IL7R: variants seen among roughly 807,000 people sequenced by gnomAD.
IL7R encodes interleukin-7 receptor subunit alpha.
In IL7R, 38 loss-of-function variants were observed where a neutral mutation model predicts 47.0. That is an observed-to-expected ratio of 0.81 (90% CI 0.62 to 1.06). IL7R has a LOEUF of 1.06. IL7R is among the 50% of genes least tolerant of loss of function. The pLI is 0.00. For missense variants in IL7R, 633 were observed against 534.8 expected (o/e 1.18, Z -1.81); for synonymous variants, 221 against 199.8 (o/e 1.11, Z -0.89).
At chr5:35,862,587 T>C (rs1295831577) in intron 2 of IL7R, among the ~76,000 whole-genome samples, 1 of 152,086 alleles carries the variant, frequency 6.6e-6, no homozygotes, top group East Asian at 1.9e-4. Flanking sequence ...AGCTCTTTAA[T>C]AGATGAACTC....
intron 4 of IL7R, among the ~76,000 whole-genome samples, chr5:35,872,840 A>C (rs1760103485): frequency 1.3e-5 from 2 of 152,078 alleles, no homozygotes; most frequent in Admixed American, 6.5e-5. Flanking sequence ...TAGATAAAGG[A>C]CTCTTATAAA....
rs1048027597 is a variant in IL7R, at chr5:35,879,422, A to T, written c.*2936A>T. ...ATGCAGATTAGGTGGCATTTTTGTC[A>T]GCTCTGTGGTTTATTGTTGGGACTA... On this transcript the variant is annotated 3_prime_UTR_variant, in exon 8 of 8. Coordinates refer to ENST00000303115, the MANE Select transcript of IL7R (RefSeq NM_002185.5). The T allele has an allele frequency of 4.3e-6, 1 of 232,828 alleles. No individual in the cohort carries two copies. The highest frequency in any genetic ancestry group is 2.2e-5 in the African/African-American group (1 of 45,322). The allele number at this position is 232,828 out of a possible 1,614,324, so 14.4% of individuals were successfully genotyped here. A position where few individuals can be genotyped will look rare whatever the true frequency, so the allele number is the denominator to read the frequency against.
At chr5:35,867,873 A>T (rs1759977955) in intron 3 of IL7R, among the ~76,000 whole-genome samples, 1 of 150,732 alleles carries the variant, frequency 6.6e-6, no homozygotes, top group Admixed American at 6.6e-5. Context: ...AAGTTATTTT[A>T]AAAAGCATAT....
chr5:35,874,584 C>A, intron 6 of IL7R, 42 bp downstream of exon 6: 1 of 1,376,920 alleles, frequency 7.3e-7, no homozygotes, highest in Non-Finnish European at 1.0e-6. Context: ...TGTGTGGGAT[C>A]ACGGACAGTC....
At chr5:35,864,139 C>A (rs754682046) in intron 2 of IL7R, among the ~76,000 whole-genome samples, 1 of 152,064 alleles carries the variant, frequency 6.6e-6, no homozygotes, top group Non-Finnish European at 1.5e-5. Context: ...ACTCTTTATT[C>A]TTTTCTGTCT....
Position 35,876,787 on chromosome 5 carries a change from G to A in IL7R, c.*301G>A. On this transcript the variant is annotated 3_prime_UTR_variant, in exon 8 of 8. Coordinates refer to ENST00000303115, the MANE Select transcript of IL7R (RefSeq NM_002185.5). Reference sequence around the variant, plus strand: ...ATGAAAGAGTAAAGGAAATGATTGAGGAGTGAGGAAGGCAGGAAGAGAGCA... The same window carrying A: ...ATGAAAGAGTAAAGGAAATGATTGAAGAGTGAGGAAGGCAGGAAGAGAGCA... 2.3e-6 allele frequency: 1 copy of A among 431,000 alleles called. No homozygotes were observed. The highest frequency in any genetic ancestry group is 6.3e-4 in the Middle Eastern group (1 of 1,576). 26.7% of individuals were successfully genotyped at this position (431,000 alleles called of 1,614,324 possible). A position where few individuals can be genotyped will look rare whatever the true frequency, so the allele number is the denominator to read the frequency against.
intron 5 of IL7R, 56 bp downstream of exon 5, chr5:35,873,704 T>TG (rs1760133640): frequency 6.6e-7 from 1 of 1,508,132 alleles, no homozygotes; most frequent in Non-Finnish European, 9.2e-7. Flanking sequence ...TGTCAAAGTG[T>TG]GGGAGCAAGT....
At chr5:35,858,747 T>G (rs1373779115) in intron 1 of IL7R, among the ~76,000 whole-genome samples, 1 of 152,216 alleles carries the variant, frequency 6.6e-6, no homozygotes, top group African/African-American at 2.4e-5. Context: ...ATTATACTCA[T>G]AGCTAATCCC....
intron 1 of IL7R, among the ~76,000 whole-genome samples, chr5:35,858,645 T>G (rs560634861): frequency 6.6e-6 from 1 of 152,354 alleles, no homozygotes; most frequent in East Asian, 1.9e-4. Flanking sequence ...TCAATTGACA[T>G]AAACTTTTTA....
Position 35,871,185 on chromosome 5 carries a change from G to A in IL7R, c.509G>A (p.Arg170His), listed in dbSNP as rs149161098. ...VKVLMHDVAY[R>H]QEKDENKWTH... Reference sequence around the variant, plus strand: ...GTTTTAATGCACGATGTAGCTTACCGCCAGGAAAAGGATGAAAACAAATGG... The same window carrying A: ...GTTTTAATGCACGATGTAGCTTACCACCAGGAAAAGGATGAAAACAAATGG... The change falls in exon 4 of 8, where the codon CGC becomes CAC. Residue 170 changes from arginine (R) to histidine (H), a missense_variant. Transcript: ENST00000303115. 241 of 1,612,762 alleles carry A rather than the reference G, an allele frequency of 1.5e-4. No individual in the cohort carries two copies. In the African/African-American group the frequency reaches 2.8e-3, roughly 19 times the overall value.
chr5:35,871,163 T>G lies in IL7R; in HGVS notation c.487T>G (p.Leu163Val). The G allele has an allele frequency of 6.2e-7, 1 of 1,613,480 alleles. No individual in the cohort carries two copies. The highest frequency in any genetic ancestry group is 8.5e-7 in the Non-Finnish European group (1 of 1,179,426). ...CTTGCAAAAGAAGTATGTAAAAGTT[T>G]TAATGCACGATGTAGCTTACCGCCA... ...SHLQKKYVKV[L>V]MHDVAYRQEK... is the part of the protein sequence containing the mutation. Residue 163 changes from leucine (L) to valine (V), a missense_variant, in exon 4 of 8, where the codon TTA becomes GTA. Transcript: ENST00000303115.
chr5:35,865,205 C>T (rs191337712), intron 2 of IL7R, among the ~76,000 whole-genome samples: 5 of 152,150 alleles, frequency 3.3e-5, no homozygotes, highest in African/African-American at 1.2e-4. Context: ...TGAGAACATG[C>T]AGTGTTTGAT....
rs1759831416 is a variant in IL7R, at chr5:35,861,950, TC to T, written c.221+962del. Among the ~76,000 whole-genome samples the T allele has an allele frequency of 6.6e-5, 10 of 152,204 alleles. No individual in the cohort carries two copies. The South Asian group carries it at 2.1e-3, about 32-fold the overall frequency. ...AGTAGTAATAGAAGGCTTCCTACAT[TC>T]CATAGACACTGAGACAATTCTCCAC... On this transcript the variant is annotated intron_variant, in intron 2 of 7. Coordinates refer to ENST00000303115, the MANE Select transcript of IL7R (RefSeq NM_002185.5).
intron 6 of IL7R, among the ~76,000 whole-genome samples, chr5:35,874,852 T>C (rs1234051773): frequency 1.3e-5 from 2 of 152,204 alleles, no homozygotes; most frequent in Non-Finnish European, 2.9e-5. Flanking sequence ...CACAATGTAC[T>C]TGAAGTCTTG....
intron 3 of IL7R, among the ~76,000 whole-genome samples, chr5:35,869,998 TGGGCCGGC>T (rs1760031288): frequency 6.6e-6 from 1 of 152,146 alleles, no homozygotes; most frequent in Non-Finnish European, 1.5e-5. Context: ...TGCATTTTAT[TGGGCCGGC>T]AAGTAACTTT....
rs145314387 is a variant in IL7R at position 35,861,727 on chromosome 5, A to G, written c.221+737A>G. On this transcript the variant is annotated intron_variant, in intron 2 of 7. Transcript: ENST00000303115. Reference sequence around the variant, plus strand: ...GGAAAAGAGTCTGGTTTGAAAGTTTACTAAAGGTCTCAGGGAACTTTATCT... The same window carrying G: ...GGAAAAGAGTCTGGTTTGAAAGTTTGCTAAAGGTCTCAGGGAACTTTATCT... Among the ~76,000 whole-genome samples, 194 of 152,266 alleles carry G rather than the reference A, an allele frequency of 1.3e-3. 2 individuals carry two copies. Among genetic ancestry groups the G allele is most frequent in the African/African-American group, 4.4e-3 (183 of 41,564 alleles).
rs563733521 is a variant in IL7R, at chr5:35,878,780, C to G, written c.*2294C>G. 1.7e-3 allele frequency: 398 copies of G among 233,000 alleles called. 5 individuals carry two copies. Among genetic ancestry groups the G allele is most frequent in the Non-Finnish European group, 1.2e-3 (141 of 117,916 alleles). 14.4% of individuals were successfully genotyped at this position (233,000 alleles called of 1,614,324 possible). On this transcript the variant is annotated 3_prime_UTR_variant, in exon 8 of 8. Coordinates refer to ENST00000303115, the MANE Select transcript of IL7R (RefSeq NM_002185.5). ...CCCAACCTCACACGTTAAGTCAGAA[C>G]TGGGAGCCATAATTTTGTATCCCTG...
At position 35,874,473 on chromosome 5, in the gene IL7R, C is replaced by A. The variant is rs6897932; in HGVS notation, c.731C>A (p.Thr244Asn). 4 of 1,611,794 alleles carry A rather than the reference C, an allele frequency of 2.5e-6. No homozygotes were observed. The highest frequency in any genetic ancestry group is 3.4e-6 in the Non-Finnish European group (4 of 1,178,002). ...SSGEMDPILL[T>N]ISILSFFSVA... ...GGGGAGATGGATCCTATCTTACTAA[C>A]CATCAGCATTTTGAGTTTTTTCTCT... The change falls in exon 6 of 8, where the codon ACC becomes AAC. Residue 244 changes from threonine (T) to asparagine (N), a missense_variant. Coordinates refer to ENST00000303115, the MANE Select transcript of IL7R (RefSeq NM_002185.5).
chr5:35,871,781 C>T (rs1760080048), intron 4 of IL7R, among the ~76,000 whole-genome samples: 1 of 152,138 alleles, frequency 6.6e-6, no homozygotes. Flanking sequence ...AATGATTTGG[C>T]AGTCCCTGAA....
Sources: gnomAD v4.1 joint callset for allele counts (sites outside exome capture counted in the v4.1 genomes callset) on GRCh38, gnomAD v4.1.1 for gene constraint, MANE v1.5 for transcripts, NCBI Gene and HGNC (gene_info 2026-07-23, HGNC 2026-07-21) for gene names.